Variants in RABGAP1L observed in about 807,000 individuals in gnomAD.
RABGAP1L encodes RAB GTPase activating protein 1 like, also known as rab GTPase-activating protein 1-like.
Under a neutral mutation model 137.7 loss-of-function variants are expected in RABGAP1L, and 63 were observed. That is an observed-to-expected ratio of 0.46 (90% CI 0.37 to 0.56). The LOEUF is 0.56. Among genes scored for constraint, RABGAP1L ranks in the 20% least tolerant of loss-of-function variants. RABGAP1L has a pLI of 0.00. For missense variants in RABGAP1L, 1,095 were observed against 1,244.0 expected (o/e 0.88, Z 1.80); for synonymous variants, 431 against 433.7 (o/e 0.99, Z 0.08).
chr1:174,693,874 T>C (rs992434183), intron 15 of RABGAP1L, among the ~76,000 whole-genome samples: 15 of 152,312 alleles, frequency 9.8e-5, no homozygotes, highest in African/African-American at 3.4e-4. Context: ...ATTAAGTACA[T>C]GATATAATAT....
intron 21 of RABGAP1L, among the ~76,000 whole-genome samples, chr1:174,973,763 T>C (rs979251722): frequency 5.3e-5 from 8 of 151,998 alleles, no homozygotes; most frequent in Non-Finnish European, 1.0e-4. Context: ...AAAAAAAACA[T>C]TTATTTCAGT....
intron 13 of RABGAP1L, among the ~76,000 whole-genome samples, chr1:174,544,164 C>A (rs1665767492): frequency 6.6e-6 from 1 of 152,276 alleles, no homozygotes; most frequent in Non-Finnish European, 1.5e-5. Context: ...TGGGTAAGTT[C>A]TCCTGGGTAA....
intron 13 of RABGAP1L, among the ~76,000 whole-genome samples, chr1:174,607,798 G>A (rs1452652484): frequency 6.6e-6 from 1 of 152,164 alleles, no homozygotes; most frequent in Non-Finnish European, 1.5e-5. Flanking sequence ...CCTAGGCTGA[G>A]TTGAATAAAG....
In RABGAP1L at chr1:174,448,527, G is replaced by A. The variant is rs982327414; in HGVS notation, c.1710+54382G>A. ...TGTCTTGCTTGCATCAGTGTGGATCGTTATCTTGCAATAACCAAGCCTCTT... is the reference window on the plus strand; with the variant it reads ...TGTCTTGCTTGCATCAGTGTGGATCATTATCTTGCAATAACCAAGCCTCTT... On this transcript the variant is annotated intron_variant, in intron 13 of 25. Coordinates refer to ENST00000681986, the MANE Select transcript of RABGAP1L (RefSeq NM_001366446.1). The surrounding 1 kb of genome is among the most constrained non-coding windows in gnomAD (Gnocchi z 4.2). The A allele has an allele frequency of 8.1e-6, 13 of 1,611,078 alleles. No homozygotes were observed. Among genetic ancestry groups the A allele is most frequent in the African/African-American group, 6.7e-5 (5 of 74,368 alleles).
chr1:174,160,590 A>T (rs531393103), intron 1 of RABGAP1L, among the ~76,000 whole-genome samples: 3 of 152,288 alleles, frequency 2.0e-5, no homozygotes, highest in African/African-American at 7.2e-5. Flanking sequence ...TATTACACTA[A>T]TGGTAAGGAG....
intron 19 of RABGAP1L, among the ~76,000 whole-genome samples, chr1:174,884,905 A>G (rs779939411): frequency 1.3e-5 from 2 of 152,190 alleles, no homozygotes; most frequent in East Asian, 3.9e-4. Flanking sequence ...TCACAACTCC[A>G]TATTTCTTTG....
intron 17 of RABGAP1L, among the ~76,000 whole-genome samples, chr1:174,739,936 ACTT>A (rs889261663): frequency 2.0e-5 from 3 of 152,180 alleles, no homozygotes; most frequent in African/African-American, 7.2e-5. Flanking sequence ...AGTCTTTTGT[ACTT>A]CTTGGCAGAA....
At chr1:174,286,620 C>T (rs955144034) in intron 10 of RABGAP1L, among the ~76,000 whole-genome samples, 2 of 151,796 alleles carry the variant, frequency 1.3e-5, no homozygotes, top group African/African-American at 4.8e-5. Context: ...TTTTTTTCCC[C>T]TAGTTTGCTG....
At chr1:174,167,565 A>G (rs980790622) in intron 1 of RABGAP1L, among the ~76,000 whole-genome samples, 1 of 152,174 alleles carries the variant, frequency 6.6e-6, no homozygotes, top group African/African-American at 2.4e-5. Flanking sequence ...TGTATGCCCA[A>G]TTTCAAGAAA....
intron 8 of RABGAP1L, among the ~76,000 whole-genome samples, chr1:174,275,481 A>ATCT (rs1674917709): frequency 2.6e-5 from 4 of 152,152 alleles, no homozygotes; most frequent in African/African-American, 7.2e-5. Context: ...TTTTAATAGA[A>ATCT]ACCATATACA....
At chr1:174,290,380 A>G (rs1676478667) in intron 10 of RABGAP1L, among the ~76,000 whole-genome samples, 1 of 152,234 alleles carries the variant, frequency 6.6e-6, no homozygotes, top group Non-Finnish European at 1.5e-5. Flanking sequence ...TGCTGGTGAA[A>G]CCATAGACTC....
intron 13 of RABGAP1L, among the ~76,000 whole-genome samples, chr1:174,434,742 G>C (rs1558230729): frequency 6.6e-6 from 1 of 152,086 alleles, no homozygotes; most frequent in South Asian, 2.1e-4. Flanking sequence ...TGTGGGTGCT[G>C]AGCATTTTTT....
At chr1:174,501,655 G>T (rs536522526) in intron 13 of RABGAP1L, among the ~76,000 whole-genome samples, 7 of 152,216 alleles carry the variant, frequency 4.6e-5, no homozygotes, top group African/African-American at 1.4e-4. Context: ...TTTTGGAAGA[G>T]CTGCCATGTA....
intron 4 of RABGAP1L, among the ~76,000 whole-genome samples, chr1:174,233,219 T>C (rs890207151): frequency 6.6e-6 from 1 of 152,140 alleles, no homozygotes; most frequent in Non-Finnish European, 1.5e-5. Flanking sequence ...CAAAAGAAGA[T>C]GCAGATTTGT....
chr1:174,193,483 G>C (rs1160364692), intron 1 of RABGAP1L, among the ~76,000 whole-genome samples: 1 of 152,174 alleles, frequency 6.6e-6, no homozygotes, highest in African/African-American at 2.4e-5. Context: ...AGTGAGTCGA[G>C]ATCTTGCCAC....
intron 10 of RABGAP1L, among the ~76,000 whole-genome samples, chr1:174,283,705 G>T (rs1169299751): frequency 6.6e-6 from 1 of 151,910 alleles, no homozygotes; most frequent in Admixed American, 6.6e-5. Flanking sequence ...CGAGGTTTTG[G>T]CATGTTGGCC....
At chr1:174,256,663 C>T (rs1255333823) in intron 7 of RABGAP1L, among the ~76,000 whole-genome samples, 1 of 152,124 alleles carries the variant, frequency 6.6e-6, no homozygotes, top group Non-Finnish European at 1.5e-5. Context: ...TGCCAGTGGT[C>T]CCAGCTACTT....
At chr1:174,350,512 T>C (rs1284533635) in intron 11 of RABGAP1L, among the ~76,000 whole-genome samples, 5 of 137,908 alleles carry the variant, frequency 3.6e-5, no homozygotes, top group Non-Finnish European at 7.8e-5. Flanking sequence ...GCAGAGACGC[T>C]CCTCACTTCC....
chr1:174,268,293 G>A (rs1380242108), intron 7 of RABGAP1L, among the ~76,000 whole-genome samples: 2 of 150,760 alleles, frequency 1.3e-5, no homozygotes, highest in Admixed American at 6.6e-5. Context: ...TCTGCCTCCC[G>A]GGTTCACGCC....
Sources: gnomAD v4.1 joint callset for allele counts (sites outside exome capture counted in the v4.1 genomes callset) on GRCh38, gnomAD v4.1.1 for gene constraint, Gnocchi (gnomAD v3.1) non-coding constraint, MANE v1.5 for transcripts, NCBI Gene and HGNC (gene_info 2026-07-23, HGNC 2026-07-21) for gene names.